CAST: variants seen among roughly 807,000 people sequenced by gnomAD.
CAST encodes calpastatin.
Under a neutral mutation model 119.6 loss-of-function variants are expected in CAST, and 76 were observed. That is an observed-to-expected ratio of 0.64 (90% confidence interval 0.53 to 0.77). The LOEUF is 0.77. Ranked by LOEUF, CAST falls within the 30% of genes least tolerant of loss-of-function variation. The probability of loss-of-function intolerance (pLI) is 0.00; values close to 1 mark genes in which losing one functional copy is unlikely to be tolerated. For missense variants in CAST, 953 were observed against 946.5 expected (o/e 1.01, Z -0.09); for synonymous variants, 319 against 331.6 (o/e 0.96, Z 0.41).
the CAST span, among the ~76,000 whole-genome samples, chr5:96,408,536 C>A: frequency 6.6e-6 from 1 of 152,188 alleles, no homozygotes; most frequent in Non-Finnish European, 1.5e-5. Flanking sequence ...ATAATTCTGG[C>A]AGCAAGATGC....
chr5:95,994,877 A>G, the CAST span, among the ~76,000 whole-genome samples: 1 of 152,226 alleles, frequency 6.6e-6, no homozygotes, highest in Non-Finnish European at 1.5e-5. Flanking sequence ...TACACATTTT[A>G]ACAAGCAGAA....
At chr5:96,055,908 C>T in the CAST span, among the ~76,000 whole-genome samples, 1 of 151,986 alleles carries the variant, frequency 6.6e-6, no homozygotes, top group Non-Finnish European at 1.5e-5. Context: ...TCACACAAAT[C>T]ATCTGACACA....
the CAST span, among the ~76,000 whole-genome samples, chr5:96,316,334 T>C: frequency 2.0e-5 from 3 of 152,172 alleles, no homozygotes; most frequent in African/African-American, 7.2e-5. Flanking sequence ...AGCTGAAGCA[T>C]AGCTAGGAGT....
At chr5:96,476,227 A>G in the CAST span, among the ~76,000 whole-genome samples, 1 of 152,242 alleles carries the variant, frequency 6.6e-6, no homozygotes, top group Non-Finnish European at 1.5e-5. Context: ...ATTGGAGACT[A>G]GAGAAAGTAA....
At chr5:96,675,460 C>T in intron 1 of CAST, 79 bp from the exon 2 acceptor site, 2 of 959,808 alleles carry the variant, frequency 2.1e-6, no homozygotes, top group Non-Finnish European at 1.7e-6. Context: ...AAAGGGTATG[C>T]ATTTAGCCTT....
At chr5:96,637,027 TC>T (rs1747896436) in intron 1 of CAST, among the ~76,000 whole-genome samples, 1 of 152,160 alleles carries the variant, frequency 6.6e-6, no homozygotes, top group Non-Finnish European at 1.5e-5. Context: ...TCTCTGCCTC[TC>T]CATGTGTTCA....
the CAST span, among the ~76,000 whole-genome samples, chr5:95,998,947 AGGTATAAG>A: frequency 6.6e-6 from 1 of 152,120 alleles, no homozygotes; most frequent in East Asian, 1.9e-4. Context: ...CCATTCTGAC[AGGTATAAG>A]ATGGTATCTC....
chr5:96,336,045 AC>A, the CAST span, among the ~76,000 whole-genome samples: 1 of 152,144 alleles, frequency 6.6e-6, no homozygotes, highest in African/African-American at 2.4e-5. Flanking sequence ...CTCCAGAGCT[AC>A]CTGAATGATT....
the CAST span, among the ~76,000 whole-genome samples, chr5:96,482,791 T>C: frequency 6.6e-6 from 1 of 152,090 alleles, no homozygotes; most frequent in Non-Finnish European, 1.5e-5. Flanking sequence ...GGATGAAGAA[T>C]TGAAGTGCTA....
intron 3 of CAST, among the ~76,000 whole-genome samples, chr5:96,718,511 A>G (rs1757586142): frequency 6.6e-6 from 1 of 152,018 alleles, no homozygotes; most frequent in Non-Finnish European, 1.5e-5. Flanking sequence ...TACCTGTTTA[A>G]CAAACTTACA....
the CAST span, among the ~76,000 whole-genome samples, chr5:96,299,249 A>AAAC: frequency 0.01 from 1,529 of 149,388 alleles, 17 homozygotes; most frequent in South Asian, 0.036. Context: ...CTCAGTCTCA[A>AAAC]AACAACAACA....
chr5:96,215,235 A>G, the CAST span: 1 of 152,208 alleles, frequency 6.6e-6, no homozygotes, highest in Non-Finnish European at 1.5e-5. Flanking sequence ...CTTAAAAATT[A>G]TTGAGAACTC....
the CAST span, among the ~76,000 whole-genome samples, chr5:96,242,460 C>A: frequency 1.8e-4 from 27 of 152,166 alleles, 1 homozygote; most frequent in African/African-American, 6.3e-4. Flanking sequence ...CTGATGATCA[C>A]CCTCAGCAAA....
At chr5:96,449,552 G>A in the CAST span, among the ~76,000 whole-genome samples, 3 of 152,098 alleles carry the variant, frequency 2.0e-5, no homozygotes, top group Admixed American at 1.3e-4. Context: ...ACATGATTAG[G>A]CTATGTAAAG....
At chr5:96,225,957 G>A in the CAST span, among the ~76,000 whole-genome samples, 5 of 151,980 alleles carry the variant, frequency 3.3e-5, no homozygotes, top group Non-Finnish European at 4.4e-5. Context: ...ACCAGTTACT[G>A]CACTATGTAT....
chr5:96,444,031 A>T, the CAST span, among the ~76,000 whole-genome samples: 1 of 152,334 alleles, frequency 6.6e-6, no homozygotes, highest in South Asian at 2.1e-4. Flanking sequence ...CAATATAAGA[A>T]ATGAAGGAAA....
At chr5:96,765,399 T>C in intron 26 of CAST, 74 bp downstream of exon 26, 1 of 733,576 alleles carries the variant, frequency 1.4e-6, no homozygotes. Flanking sequence ...ACTCTGTCAT[T>C]GTCATAGGAA....
the CAST span, among the ~76,000 whole-genome samples, chr5:96,161,391 ATTCT>A: frequency 1.3e-5 from 2 of 152,128 alleles, no homozygotes; most frequent in East Asian, 3.8e-4. Context: ...TGAAAATATT[ATTCT>A]TTCTTTATTA....
the CAST span, among the ~76,000 whole-genome samples, chr5:96,364,334 A>G: frequency 2.0e-5 from 3 of 152,200 alleles, no homozygotes; most frequent in African/African-American, 7.2e-5. Flanking sequence ...TATCAGGATG[A>G]TGCTGGCCTC....
Sources: gnomAD v4.1 joint callset for allele counts (sites outside exome capture counted in the v4.1 genomes callset) on GRCh38, gnomAD v4.1.1 for gene constraint, MANE v1.5 for transcripts, NCBI Gene and HGNC (gene_info 2026-07-23, HGNC 2026-07-21) for gene names.